The following AFAP1 variants were observed in gnomAD, a reference collection of about 807,000 sequenced individuals.
AFAP1 encodes the protein actin filament-associated protein 1.
AFAP1 carries 75 observed loss-of-function variants against 93.9 expected under a neutral mutation model. The observed-to-expected ratio is 0.80, with a 90% confidence interval of 0.66 to 0.97. The LOEUF is 0.97. Ranked by LOEUF, AFAP1 falls within the 50% of genes least tolerant of loss-of-function variation. The pLI is 0.00. For missense variants in AFAP1, 1,201 were observed against 1,050.8 expected (o/e 1.14, Z -1.98); for synonymous variants, 517 against 430.7 (o/e 1.20, Z -2.48).
chr4:7,799,059 A>G, intron 10 of AFAP1: 3 of 985,976 alleles, frequency 3.0e-6, no homozygotes, highest in Non-Finnish European at 3.6e-6. Flanking sequence ...AGCCTACATA[A>G]ATGTTTACAA....
chr4:7,891,661 G>T (rs1162136952), intron 1 of AFAP1, among the ~76,000 whole-genome samples: 1 of 148,242 alleles, frequency 6.7e-6, no homozygotes, highest in Non-Finnish European at 1.5e-5. Context: ...TGATATTCAT[G>T]AGTGAGTCTT....
intron 4 of AFAP1, among the ~76,000 whole-genome samples, chr4:7,847,867 C>T (rs957222609): frequency 2.0e-5 from 3 of 150,962 alleles, no homozygotes; most frequent in African/African-American, 7.4e-5. Flanking sequence ...AGTAAGGCAG[C>T]AGACCAAAGG....
rs1368300706 is a variant in AFAP1 at position 7,763,329 on chromosome 4, A to T, written c.*436T>A. The T allele has an allele frequency of 5.5e-6, 1 of 181,866 alleles. No individual in the cohort carries two copies. Among genetic ancestry groups the T allele is most frequent in the African/African-American group, 2.7e-5 (1 of 37,484 alleles). 11.3% of individuals were successfully genotyped at this position (181,866 alleles called of 1,614,324 possible). A position where few individuals can be genotyped will look rare whatever the true frequency, so the allele number is the denominator to read the frequency against. On this transcript the variant is annotated 3_prime_UTR_variant, in exon 18 of 18. Transcript: ENST00000420658. ...GGCGTGCAAGGCGAGCCCAGTGCCC[A>T]TGGCCAGCCACACTCATGCCCGGGG...
At chr4:7,849,747 G>A (rs1261603763) in intron 4 of AFAP1, among the ~76,000 whole-genome samples, 2 of 152,330 alleles carry the variant, frequency 1.3e-5, no homozygotes, top group Admixed American at 1.3e-4. Context: ...GGCATTTGGA[G>A]TGCAGAGAAA....
intron 17 of AFAP1, among the ~76,000 whole-genome samples, chr4:7,765,486 G>GCTCTTCCTCAC (rs1186597582): frequency 6.6e-6 from 1 of 152,228 alleles, no homozygotes; most frequent in African/African-American, 2.4e-5. Context: ...CGCCCTCCGT[G>GCTCTTCCTCAC]CTCTTCCTCA....
intron 3 of AFAP1, among the ~76,000 whole-genome samples, chr4:7,860,006 G>C (rs901573401): frequency 6.6e-6 from 1 of 152,068 alleles, no homozygotes; most frequent in Non-Finnish European, 1.5e-5. Context: ...AGCCAGGCAT[G>C]ATGGTGCATG....
At chr4:7,919,572 A>T (rs1158173457) in intron 1 of AFAP1, among the ~76,000 whole-genome samples, 1 of 152,216 alleles carries the variant, frequency 6.6e-6, no homozygotes, top group Non-Finnish European at 1.5e-5. Flanking sequence ...CCATGTGCGA[A>T]AGAGCTTTGG....
chr4:7,922,774 A>T (rs1720507940), intron 1 of AFAP1, among the ~76,000 whole-genome samples: 1 of 152,208 alleles, frequency 6.6e-6, no homozygotes, highest in East Asian at 1.9e-4. Context: ...GCTTGAGGCC[A>T]GGAGTTTGAA....
rs35666187 is a variant in AFAP1, at chr4:7,895,852, GT to G, written c.-2-23773del. 9.2e-3 allele frequency among the ~76,000 whole-genome samples: 1,023 copies of G among 110,600 alleles called. 9 individuals carry two copies. Among genetic ancestry groups the G allele is most frequent in the African/African-American group, 0.029 (853 of 29,780 alleles). The allele number at this position is 110,600 out of a possible 152,430, so 72.6% of individuals were successfully genotyped here. Reference sequence around the variant, plus strand: ...CATGGAAGTGTGTGTTCTTCAGAAAGTTTTTTTTTTTTTTTTTTTTTTTAAG... The same window carrying G: ...CATGGAAGTGTGTGTTCTTCAGAAAGTTTTTTTTTTTTTTTTTTTTTTAAG... On this transcript the variant is annotated intron_variant, in intron 1 of 17. Coordinates refer to ENST00000420658, the MANE Select transcript of AFAP1 (RefSeq NM_001134647.2).
At position 7,912,152 on chromosome 4, in the gene AFAP1, A is replaced by G. The variant is rs114598047; in HGVS notation, c.-3+27504T>C. 7.3e-3 allele frequency among the ~76,000 whole-genome samples: 1,112 copies of G among 152,324 alleles called. 8 individuals carry two copies. The highest frequency in any genetic ancestry group is 0.024 in the African/African-American group (1,000 of 41,566). On this transcript the variant is annotated intron_variant, in intron 1 of 17. Transcript: ENST00000420658. ...AACAAGGACGTCATTAACTATTGCA[A>G]AGTGGTATCCGGGACCTGGGTGCAC...
intron 1 of AFAP1, among the ~76,000 whole-genome samples, chr4:7,880,818 GCT>G (rs1717796497): frequency 6.6e-6 from 1 of 152,132 alleles, no homozygotes; most frequent in East Asian, 1.9e-4. Flanking sequence ...ACTGTTACTG[GCT>G]CTGAGAAAAC....
intron 3 of AFAP1, 59 bp from the exon 4 acceptor site, chr4:7,855,633 G>A: frequency 2.2e-6 from 3 of 1,354,470 alleles, no homozygotes; most frequent in South Asian, 1.2e-5. Context: ...GGAAATTCTG[G>A]ATTTCCAATT....
intron 6 of AFAP1, among the ~76,000 whole-genome samples, chr4:7,828,034 A>T (rs1721583078): frequency 6.6e-6 from 1 of 152,246 alleles, no homozygotes; most frequent in Admixed American, 6.5e-5. Flanking sequence ...TGGAAGGTGA[A>T]TTCAGCCCGG....
intron 7 of AFAP1, 127 bp downstream of exon 7, chr4:7,818,949 G>T: frequency 1.2e-6 from 1 of 817,586 alleles, no homozygotes; most frequent in Non-Finnish European, 1.8e-6. Context: ...AAGATGGGAA[G>T]CACGACTGCA....
chr4:7,789,831 G>T (rs1373082949), intron 11 of AFAP1, among the ~76,000 whole-genome samples: 2 of 152,180 alleles, frequency 1.3e-5, no homozygotes, highest in African/African-American at 2.4e-5. Context: ...CTTCCTGAGG[G>T]GCTCCCAGCT....
Position 7,939,220 on chromosome 4 carries a change from G to T in AFAP1, c.-3+436C>A. 4.1e-6 allele frequency: 1 copy of T among 243,888 alleles called. No individual in the cohort carries two copies. The highest frequency in any genetic ancestry group is 8.4e-6 in the Non-Finnish European group (1 of 119,600). 15.1% of individuals were successfully genotyped at this position (243,888 alleles called of 1,614,324 possible). A position where few individuals can be genotyped will look rare whatever the true frequency, so the allele number is the denominator to read the frequency against. Reference sequence around the variant, plus strand: ...GAGTCACGGACCCCCTCGTCCGAGGGTCCGCGCAGTCCCCTCGGTAAGTCG... The same window carrying T: ...GAGTCACGGACCCCCTCGTCCGAGGTTCCGCGCAGTCCCCTCGGTAAGTCG... On this transcript the variant is annotated intron_variant, in intron 1 of 17. Coordinates refer to ENST00000420658, the MANE Select transcript of AFAP1 (RefSeq NM_001134647.2). This position sits in a 1 kb window ranked among gnomAD's most constrained non-coding sequence, Gnocchi z 5.6.
chr4:7,860,068 G>A (rs558671707), intron 3 of AFAP1, among the ~76,000 whole-genome samples: 110 of 152,234 alleles, frequency 7.2e-4, no homozygotes, highest in African/African-American at 2.5e-3. Flanking sequence ...GCTCGAGCCC[G>A]GGAAGTCGAG....
At chr4:7,800,748 G>C (rs1718949512) in intron 9 of AFAP1, 95 bp from the exon 10 acceptor site, 1 of 1,215,238 alleles carries the variant, frequency 8.2e-7, no homozygotes, top group Non-Finnish European at 1.2e-6. Flanking sequence ...AGGGATGGGA[G>C]TGTGGATAAA....
At chr4:7,907,897 C>T (rs541229218) in intron 1 of AFAP1, among the ~76,000 whole-genome samples, 48 of 152,182 alleles carry the variant, frequency 3.2e-4, no homozygotes, top group Middle Eastern at 3.4e-3. Flanking sequence ...TAATTAGCAC[C>T]CATTTAAAGT....
Sources: gnomAD v4.1 joint callset for allele counts (sites outside exome capture counted in the v4.1 genomes callset) on GRCh38, gnomAD v4.1.1 for gene constraint, Gnocchi (gnomAD v3.1) non-coding constraint, MANE v1.5 for transcripts, NCBI Gene and HGNC (gene_info 2026-07-23, HGNC 2026-07-21) for gene names.